The following CCDC7 variants were observed in gnomAD, a reference collection of about 807,000 sequenced individuals.
The protein encoded by CCDC7 is coiled-coil domain containing 7.
Under a neutral mutation model 196.9 loss-of-function variants are expected in CCDC7, and 183 were observed. The observed-to-expected ratio is 0.93, with a 90% confidence interval of 0.82 to 1.05. The LOEUF (loss-of-function observed/expected upper bound fraction) is 1.05, where lower values mean the gene tolerates loss of function less well. Among genes scored for constraint, CCDC7 ranks in the 50% least tolerant of loss-of-function variants. CCDC7 has a pLI of 0.00. For missense variants in CCDC7, 1,540 were observed against 1,482.2 expected, an observed-to-expected ratio of 1.04 and a Z score of -0.64; for synonymous variants, 525 against 484.6, an observed-to-expected ratio of 1.08 and a Z score of -1.10.
At chr10:32,508,020 A>T (rs565537431) in intron 9 of CCDC7, among the ~76,000 whole-genome samples, 3 of 152,376 alleles carry the variant, frequency 2.0e-5, no homozygotes, top group African/African-American at 7.2e-5. Context: ...AGTCAAATGC[A>T]GTAGCCAAGC....
chr10:32,674,096 A>G (rs540088869), intron 21 of CCDC7, among the ~76,000 whole-genome samples: 29 of 148,792 alleles, frequency 1.9e-4, no homozygotes, highest in Non-Finnish European at 3.7e-4. Context: ...TTTTTTTCCT[A>G]TTTTATTTAT....
intron 37 of CCDC7, among the ~76,000 whole-genome samples, chr10:32,847,400 T>G (rs567943057): frequency 6.6e-6 from 1 of 152,332 alleles, no homozygotes; most frequent in East Asian, 1.9e-4. Context: ...TTCCAGGTGT[T>G]GGACCTAGCC....
chr10:32,583,860 T>G (rs2137526042), intron 17 of CCDC7, among the ~76,000 whole-genome samples: 1 of 152,182 alleles, frequency 6.6e-6, no homozygotes, highest in East Asian at 1.9e-4. Context: ...AGTATTCCTA[T>G]AATAATAATT....
At chr10:32,702,655 A>G (rs1040494163) in intron 24 of CCDC7, among the ~76,000 whole-genome samples, 1 of 152,128 alleles carries the variant, frequency 6.6e-6, no homozygotes, top group East Asian at 1.9e-4. Flanking sequence ...GTGGGAGTCT[A>G]AGTCTCTTTG....
intron 20 of CCDC7, among the ~76,000 whole-genome samples, chr10:32,657,059 A>T (rs572513002): frequency 1.3e-5 from 2 of 152,368 alleles, no homozygotes; most frequent in Non-Finnish European, 2.9e-5. Flanking sequence ...TCCAGGGCAC[A>T]CTGGTGCAAG....
chr10:32,825,534 A>G (rs2090984793), intron 32 of CCDC7, among the ~76,000 whole-genome samples: 1 of 152,138 alleles, frequency 6.6e-6, no homozygotes, highest in Admixed American at 6.6e-5. Context: ...GTATCTATCT[A>G]TATATCTATA....
intron 20 of CCDC7, among the ~76,000 whole-genome samples, chr10:32,636,391 ACAACAGTCTC>A (rs2065646787): frequency 1.3e-5 from 2 of 151,734 alleles, no homozygotes; most frequent in South Asian, 4.2e-4. Flanking sequence ...CCCCCACACC[ACAACAGTCTC>A]CATTGTGTGA....
At chr10:32,543,595 G>A (rs917161861) in intron 12 of CCDC7, among the ~76,000 whole-genome samples, 1 of 152,076 alleles carries the variant, frequency 6.6e-6, no homozygotes, top group Non-Finnish European at 1.5e-5. Context: ...TGGACTGGAA[G>A]AGGAGATTGA....
At chr10:32,717,447 T>C (rs183173974) in intron 25 of CCDC7, among the ~76,000 whole-genome samples, 19 of 152,148 alleles carry the variant, frequency 1.2e-4, no homozygotes, top group Admixed American at 1.1e-3. Context: ...CTAAAATCCG[T>C]ACCCTAACAT....
intron 29 of CCDC7, among the ~76,000 whole-genome samples, chr10:32,782,548 T>G (rs1408406206): frequency 1.4e-4 from 18 of 126,988 alleles, no homozygotes; most frequent in Admixed American, 1.4e-3. Flanking sequence ...ATTATTAAGA[T>G]GACAGTAATA....
chr10:32,756,547 A>G (rs1298502048), intron 28 of CCDC7, among the ~76,000 whole-genome samples: 1 of 152,200 alleles, frequency 6.6e-6, no homozygotes, highest in Non-Finnish European at 1.5e-5. Flanking sequence ...CAGACAAGCA[A>G]ATGCTGAGAG....
chr10:32,637,467 C>A (rs138844283), intron 20 of CCDC7, among the ~76,000 whole-genome samples: 21,547 of 152,158 alleles, frequency 0.14, 1,870 homozygotes, highest in African/African-American at 0.25. Context: ...GTTTTCCCAG[C>A]ACCATTTATT....
At chr10:32,591,874 T>C (rs1469479609) in intron 18 of CCDC7, among the ~76,000 whole-genome samples, 4 of 152,330 alleles carry the variant, frequency 2.6e-5, no homozygotes, top group Non-Finnish European at 2.9e-5. Flanking sequence ...GGTCTGGAAT[T>C]GGAGACCTCA....
chr10:32,444,629 T>G (rs1243510875), upstream of CCDC7, among the ~76,000 whole-genome samples: 1 of 152,240 alleles, frequency 6.6e-6, no homozygotes, highest in African/African-American at 2.4e-5. Context: ...GACTTTTAGT[T>G]CTATCTTTCC....
At chr10:32,813,138 A>G (rs752347814) in intron 30 of CCDC7, among the ~76,000 whole-genome samples, 2 of 152,180 alleles carry the variant, frequency 1.3e-5, no homozygotes, top group African/African-American at 2.4e-5. Context: ...CTACAATACA[A>G]TGGAAGGATT....
At position 32,524,331 on chromosome 10, in the gene CCDC7, G is replaced by T. The variant is rs74233140; in HGVS notation, c.993+5826G>T. Among the ~76,000 whole-genome samples the T allele has an allele frequency of 2.1e-3, 319 of 152,096 alleles. 6 individuals carry two copies. The East Asian group carries it at 0.046, about 22-fold the overall frequency. On this transcript the variant is annotated intron_variant, in intron 11 of 41. Transcript: ENST00000639629. ...TTGTTAATTGTTTTCTTTTTGTACT[G>T]TGTCTTGAAAAAGCTGGTATAGTTA...
rs191984087 is a variant in CCDC7, at chr10:32,642,520, G to A, written c.2014+7362G>A. 4.7e-4 allele frequency among the ~76,000 whole-genome samples: 72 copies of A among 152,264 alleles called. No individual in the cohort carries two copies. In the Middle Eastern group the frequency reaches 0.014, roughly 29 times the overall value. On this transcript the variant is annotated intron_variant, in intron 20 of 41. Transcript: ENST00000639629. ...AAGAGCGCAGTATTAGTTTGGGAATGACCCAATTTTCCAGGTGCCACCTGG... is the reference window on the plus strand; with the variant it reads ...AAGAGCGCAGTATTAGTTTGGGAATAACCCAATTTTCCAGGTGCCACCTGG...
chr10:32,853,908 T>TG (rs1183539103), intron 40 of CCDC7, among the ~76,000 whole-genome samples: 10 of 152,138 alleles, frequency 6.6e-5, no homozygotes, highest in African/African-American at 2.4e-4. Context: ...TTCAGATTCA[T>TG]GGGGTATATA....
intron 3 of CCDC7, among the ~76,000 whole-genome samples, chr10:32,460,420 A>C (rs1397379210): frequency 1.3e-5 from 2 of 152,188 alleles, no homozygotes; most frequent in Non-Finnish European, 2.9e-5. Context: ...GGGTTTCCTC[A>C]GTAATTGAGA....
Sources: gnomAD v4.1 joint callset for allele counts (sites outside exome capture counted in the v4.1 genomes callset) on GRCh38, gnomAD v4.1.1 for gene constraint, MANE v1.5 for transcripts, NCBI Gene and HGNC (gene_info 2026-07-23, HGNC 2026-07-21) for gene names.